Variants in SRPK2 observed in about 807,000 individuals in gnomAD.
SRPK2 encodes SFRS protein kinase 2.
SRPK2 carries 21 observed loss-of-function variants against 90.8 expected under a neutral mutation model. The ratio of observed to expected loss-of-function variants is 0.23; its 90% CI spans 0.16 to 0.33. SRPK2 has a LOEUF of 0.33. Among genes scored for constraint, SRPK2 ranks in the 10% least tolerant of loss-of-function variants. SRPK2 has a pLI of 1.00. For synonymous variants in SRPK2, 288 were observed against 311.1 expected, an observed-to-expected ratio of 0.93 and a Z score of 0.78; for missense variants, 620 against 869.0, an observed-to-expected ratio of 0.71 and a Z score of 3.60.
At chr7:105,250,298 C>G (rs1802299754) in intron 2 of SRPK2, among the ~76,000 whole-genome samples, 1 of 152,014 alleles carries the variant, frequency 6.6e-6, no homozygotes, top group African/African-American at 2.4e-5. Flanking sequence ...CGAGATGGTG[C>G]CATTACACTC....
rs1317577263 is a variant in SRPK2 at position 105,146,503 on chromosome 7, T to A, written c.777A>T (p.Ser259=). ...GCTCAGCTCCCTCACCTGCAGACCCTGAAGGAGGAGGAGCACCTGCTTTCT... is the reference window on the plus strand; with the variant it reads ...GCTCAGCTCCCTCACCTGCAGACCCAGAAGGAGGAGGAGCACCTGCTTTCT... ...EWQKAGAPPP[S]GSAVSTAPQQ... Residue 259 remains serine (S), a synonymous_variant, in exon 8 of 16, where the codon TCA becomes TCT. Transcript: ENST00000393651. The A allele has an allele frequency of 6.2e-7, 1 of 1,614,106 alleles. No individual in the cohort carries two copies. The highest frequency in any genetic ancestry group is 1.1e-5 in the South Asian group (1 of 91,086).
rs558590144 is a variant in SRPK2, at chr7:105,258,404, C to T, written c.72-54619G>A. On this transcript the variant is annotated intron_variant, in intron 2 of 15. Transcript: ENST00000393651. The stretch of plus-strand genomic sequence containing the variant: ...TGCACTCCAACCTGGGTAACAAGAG[C>T]GAAACTCGGTCTCAAAAAAAAAAAA... 2.9e-3 allele frequency among the ~76,000 whole-genome samples: 322 copies of T among 112,320 alleles called. 1 individual carries two copies. The highest frequency in any genetic ancestry group is 0.01 in the African/African-American group (288 of 27,758). The allele number at this position is 112,320 out of a possible 152,430, so 73.7% of individuals were successfully genotyped here.
chr7:105,360,453 G>A (rs1209798988), intron 2 of SRPK2, among the ~76,000 whole-genome samples: 3 of 152,180 alleles, frequency 2.0e-5, no homozygotes, highest in Non-Finnish European at 2.9e-5. Flanking sequence ...ATTAGTTGAT[G>A]CAGTTTCCTC....
chr7:105,248,195 C>G (rs768791648), intron 2 of SRPK2, among the ~76,000 whole-genome samples: 2 of 152,112 alleles, frequency 1.3e-5, no homozygotes, highest in Non-Finnish European at 2.9e-5. Context: ...AAGGTTGGTA[C>G]TACTTAAAGG....
rs754565153 is a variant in SRPK2 at position 105,142,422 on chromosome 7, C to T, written c.1129G>A (p.Val377Ile). The change falls in exon 11 of 16, where the codon GTA (valine) becomes ATA (isoleucine). Residue 377 changes from valine to isoleucine, a missense_variant. By Grantham distance (29) the Val-to-Ile change is conservative. This residue lies in a region of SRPK2 where 243 missense variants were observed against 245.7 expected (regional missense o/e 0.99). Transcript: ENST00000393651. The part of the protein sequence containing the change: ...KENIEKDEDD[V>I]DQELANIDPT... ...TCTATGTTCGCAAGTTCCTGATCTA[C>T]ATCATCTTCATCTTTTTCAATGTTT... is the stretch of plus-strand genomic sequence containing the variant. 3.1e-6 allele frequency: 5 copies of T among 1,613,524 alleles called. No homozygotes were observed. In the South Asian group the frequency reaches 3.3e-5, roughly 11 times the overall value.
At chr7:105,178,837 C>G (rs993147764) in intron 3 of SRPK2, among the ~76,000 whole-genome samples, 3 of 152,012 alleles carry the variant, frequency 2.0e-5, no homozygotes, top group African/African-American at 7.2e-5. Context: ...CAAGTAACAA[C>G]AAAAATTACT....
intron 2 of SRPK2, among the ~76,000 whole-genome samples, chr7:105,273,183 C>A (rs1484334075): frequency 6.6e-6 from 1 of 151,598 alleles, no homozygotes; most frequent in African/African-American, 2.4e-5. Flanking sequence ...CCACTGCACT[C>A]CAACCTGGGT....
rs1811030733 is a variant in SRPK2, at chr7:105,305,391, A to C, written c.71+83257T>G. Reference sequence around the variant, plus strand: ...AACCCAAGAGGCAGAGGTTGCAGTGAGCCGAGACTGTGCCACACAGTCTCG... The same window carrying C: ...AACCCAAGAGGCAGAGGTTGCAGTGCGCCGAGACTGTGCCACACAGTCTCG... On this transcript the variant is annotated intron_variant, in intron 2 of 15. Transcript: ENST00000393651. 2.0e-5 allele frequency among the ~76,000 whole-genome samples: 3 copies of C among 147,118 alleles called. No individual in the cohort carries two copies. The Admixed American group carries it at 2.1e-4, about 10-fold the overall frequency.
intron 15 of SRPK2, among the ~76,000 whole-genome samples, chr7:105,121,742 G>C (rs1480657240): frequency 6.6e-6 from 1 of 152,228 alleles, no homozygotes; most frequent in Admixed American, 6.5e-5. Flanking sequence ...AACTGTACTG[G>C]CCAGTCCTGG....
At chr7:105,265,231 AT>A (rs1202931004) in intron 2 of SRPK2, among the ~76,000 whole-genome samples, 1 of 152,224 alleles carries the variant, frequency 6.6e-6, no homozygotes, top group African/African-American at 2.4e-5. Context: ...CAGATCAAAA[AT>A]ATTTGGGATA....
intron 2 of SRPK2, among the ~76,000 whole-genome samples, chr7:105,292,497 CA>C (rs397889533): frequency 0.042 from 3,087 of 74,292 alleles, 18 homozygotes; most frequent in Middle Eastern, 0.067. Context: ...GTAAGACTCT[CA>C]AAAAAAAAAA....
Position 105,284,391 on chromosome 7 carries a change from T to C in SRPK2, c.72-80606A>G, listed in dbSNP as rs139100765. On this transcript the variant is annotated intron_variant, in intron 2 of 15. Transcript: ENST00000393651. ...TGGTGGCTGGCATGACTTAAGCAGG[T>C]ACTGGTAAGAAATGAAGCCAGAGAT... 3.9e-3 allele frequency among the ~76,000 whole-genome samples: 588 copies of C among 152,314 alleles called. 1 individual carries two copies. Among genetic ancestry groups the C allele is most frequent in the Non-Finnish European group, 6.0e-3 (407 of 68,042 alleles).
At chr7:105,201,295 G>C (rs762901803) in intron 3 of SRPK2, among the ~76,000 whole-genome samples, 8 of 152,066 alleles carry the variant, frequency 5.3e-5, no homozygotes, top group African/African-American at 1.4e-4. Context: ...ACCAAATTTG[G>C]GGGGGGCTGG....
chr7:105,182,670 G>C (rs1040644713), intron 3 of SRPK2, among the ~76,000 whole-genome samples: 1 of 152,286 alleles, frequency 6.6e-6, no homozygotes, highest in South Asian at 2.1e-4. Context: ...ATTTGGCCAT[G>C]TTGGCCAGGC....
intron 7 of SRPK2, among the ~76,000 whole-genome samples, chr7:105,148,677 T>G (rs956491415): frequency 3.3e-5 from 5 of 152,322 alleles, no homozygotes; most frequent in Admixed American, 3.3e-4. Context: ...ACTGTGTCTA[T>G]GTAGAAAGGA....
At chr7:105,155,901 A>G (rs761622700) in intron 7 of SRPK2, among the ~76,000 whole-genome samples, 11 of 152,232 alleles carry the variant, frequency 7.2e-5, no homozygotes, top group Non-Finnish European at 1.3e-4. Context: ...TAAAACCAGT[A>G]AACATTCATG....
chr7:105,191,800 T>C (rs1794313071), intron 3 of SRPK2, among the ~76,000 whole-genome samples: 1 of 151,778 alleles, frequency 6.6e-6, no homozygotes, highest in Non-Finnish European at 1.5e-5. Context: ...GATTTCAAAT[T>C]AAGCTTCCTT....
intron 3 of SRPK2, among the ~76,000 whole-genome samples, chr7:105,184,845 A>AT (rs1793367913): frequency 6.6e-6 from 1 of 152,144 alleles, no homozygotes; most frequent in Non-Finnish European, 1.5e-5. Flanking sequence ...CCATCTAAGA[A>AT]TTTTACCACT....
intron 2 of SRPK2, among the ~76,000 whole-genome samples, chr7:105,376,946 CAAACA>C (rs1310399277): frequency 6.8e-6 from 1 of 147,668 alleles, no homozygotes; most frequent in African/African-American, 2.5e-5. Flanking sequence ...TTAAGAAAAA[CAAACA>C]AAACAAAAAG....
Sources: allele counts gnomAD v4.1 joint callset (sites outside exome capture counted in the v4.1 genomes callset), GRCh38; gene constraint gnomAD v4.1.1; regional missense constraint gnomAD v4.1.1; transcripts MANE v1.5; gene names NCBI Gene and HGNC (gene_info 2026-07-23, HGNC 2026-07-21).